KCNAB1: variants seen among roughly 807,000 people sequenced by gnomAD.
The protein encoded by KCNAB1 is voltage-gated potassium channel subunit beta-1.
Under a neutral mutation model 64.6 loss-of-function variants are expected in KCNAB1, and 35 were observed. The ratio of observed to expected loss-of-function variants is 0.54; its 90% CI spans 0.41 to 0.72. KCNAB1 has a LOEUF of 0.72. KCNAB1 is among the 30% of genes least tolerant of loss of function. The pLI, the probability that KCNAB1 is intolerant of heterozygous loss-of-function variation, is 0.00. For missense variants in KCNAB1, 401 were observed against 512.9 expected (o/e 0.78, Z 2.11); for synonymous variants, 177 against 183.8 (o/e 0.96, Z 0.30).
At chr3:156,287,051 G>A (rs370837512) in intron 1 of KCNAB1, among the ~76,000 whole-genome samples, 12 of 152,104 alleles carry the variant, frequency 7.9e-5, no homozygotes, top group Admixed American at 7.9e-4. Flanking sequence ...AATGGCACAC[G>A]GGAAGGCGGG....
At chr3:156,320,786 C>T (rs1226426911) in intron 1 of KCNAB1, among the ~76,000 whole-genome samples, 5 of 152,172 alleles carry the variant, frequency 3.3e-5, no homozygotes, top group Non-Finnish European at 7.3e-5. Context: ...CTCACCATCA[C>T]GTGTCCACAT....
rs1559938241 is a variant in KCNAB1, at chr3:156,538,189, C to CTAT, written c.*1444_*1446dup. ...GTGGTGTGGGAGTGGCCCTTTAACT[C>CTAT]TATTTGGCTATCTGAGGATGTACAA... On this transcript the variant is annotated 3_prime_UTR_variant, in exon 14 of 14. Coordinates refer to ENST00000490337, the MANE Select transcript of KCNAB1 (RefSeq NM_172160.3). The CTAT allele has an allele frequency of 1.3e-5, 2 of 150,710 alleles. No individual in the cohort carries two copies. The highest frequency in any genetic ancestry group is 1.9e-4 in the East Asian group (1 of 5,166). 9.3% of individuals were successfully genotyped at this position (150,710 alleles called of 1,614,324 possible).
chr3:156,364,357 A>G (rs914220790), intron 1 of KCNAB1, among the ~76,000 whole-genome samples: 5 of 152,234 alleles, frequency 3.3e-5, no homozygotes, highest in African/African-American at 9.6e-5. Context: ...TTCAGACCTC[A>G]GCTAAGCATG....
At chr3:156,201,334 G>A (rs1714318768) in intron 1 of KCNAB1, among the ~76,000 whole-genome samples, 1 of 152,162 alleles carries the variant, frequency 6.6e-6, no homozygotes, top group African/African-American at 2.4e-5. Flanking sequence ...CAGATTAATA[G>A]CAAAATTCAG....
At chr3:156,351,321 A>G (rs1724845445) in intron 1 of KCNAB1, among the ~76,000 whole-genome samples, 2 of 152,226 alleles carry the variant, frequency 1.3e-5, no homozygotes, top group South Asian at 2.1e-4. Context: ...GCTCCACGTC[A>G]GGGGTTCATG....
intron 1 of KCNAB1, among the ~76,000 whole-genome samples, chr3:156,308,224 A>T (rs551356985): frequency 6.6e-6 from 1 of 152,352 alleles, no homozygotes; most frequent in African/African-American, 2.4e-5. Context: ...AAGCAAGTGC[A>T]AAGGCCTGAG....
Position 156,457,506 on chromosome 3 carries a change from T to C in KCNAB1, c.411T>C (p.Asp137=). Residue 137 remains aspartate (D), a synonymous_variant, in exon 4 of 14, where the codon GAT becomes GAC. Transcript: ENST00000490337. Reference sequence around the variant, plus strand: ...ATGAAAGTGGTGTTAACCTCTTTGATACTGCCGAAGTCTATGCTGCTGGAA... The same window carrying C: ...ATGAAAGTGGTGTTAACCTCTTTGACACTGCCGAAGTCTATGCTGCTGGAA... ...IAYESGVNLF[D]TAEVYAAGKA... is the part of the protein sequence containing the mutation. 1 of 1,613,932 alleles carries C rather than the reference T, an allele frequency of 6.2e-7. No individual in the cohort carries two copies. The highest frequency in any genetic ancestry group is 8.5e-7 in the Non-Finnish European group (1 of 1,179,820).
In KCNAB1 at chr3:156,443,854, G is replaced by A. The variant is rs372540586; in HGVS notation, c.320-9045G>A. 5.9e-5 allele frequency among the ~76,000 whole-genome samples: 9 copies of A among 151,510 alleles called. No individual in the cohort carries two copies. In the East Asian group the frequency reaches 1.2e-3, roughly 19 times the overall value. On this transcript the variant is annotated intron_variant, in intron 2 of 13. Transcript: ENST00000490337. ...AGGAGGCCCACCTTTATTTCTCCTGGCCTTTACCACTTCCTTACCTACTTT... is the reference window on the plus strand; with the variant it reads ...AGGAGGCCCACCTTTATTTCTCCTGACCTTTACCACTTCCTTACCTACTTT...
intron 1 of KCNAB1, among the ~76,000 whole-genome samples, chr3:156,152,313 A>C (rs191029864): frequency 7.9e-5 from 12 of 152,208 alleles, no homozygotes; most frequent in Non-Finnish European, 1.5e-4. Flanking sequence ...GACCACAGAC[A>C]CGGTTACCTC....
chr3:156,221,740 T>A (rs1415957661), intron 1 of KCNAB1, among the ~76,000 whole-genome samples: 4 of 151,212 alleles, frequency 2.6e-5, no homozygotes, highest in Admixed American at 2.0e-4. Context: ...ATCATGACAT[T>A]ACACTCCAGC....
At chr3:156,404,165 G>A (rs550296005) in intron 1 of KCNAB1, among the ~76,000 whole-genome samples, 8 of 152,268 alleles carry the variant, frequency 5.3e-5, no homozygotes, top group African/African-American at 1.9e-4. Context: ...TTACTTCCTA[G>A]TACCTTTTTT....
chr3:156,292,192 T>C (rs1362537240), intron 1 of KCNAB1: 1 of 1,562,836 alleles, frequency 6.4e-7, no homozygotes, highest in African/African-American at 1.4e-5. Flanking sequence ...GTGGAGACAG[T>C]CCATCGGTTT....
chr3:156,159,677 TG>T (rs1715960078), intron 1 of KCNAB1, among the ~76,000 whole-genome samples: 1 of 152,238 alleles, frequency 6.6e-6, no homozygotes, highest in South Asian at 2.1e-4. Context: ...GGAATAATTT[TG>T]CATACCCCAT....
rs144516863 is a variant in KCNAB1 at position 156,200,249 on chromosome 3, G to A, written c.275+79363G>A. Among the ~76,000 whole-genome samples, 579 of 152,336 alleles carry A rather than the reference G, an allele frequency of 3.8e-3. 4 individuals carry two copies. Among genetic ancestry groups the A allele is most frequent in the African/African-American group, 0.013 (550 of 41,574 alleles). On this transcript the variant is annotated intron_variant, in intron 1 of 13. Coordinates refer to ENST00000490337, the MANE Select transcript of KCNAB1 (RefSeq NM_172160.3). ...GCCAGCCAGAGCTCTCCTGTATGAG[G>A]TGTCTGTTGACATCTGCTAGGAGGT...
At chr3:156,149,706 A>T (rs565021168) in intron 1 of KCNAB1, among the ~76,000 whole-genome samples, 6 of 152,332 alleles carry the variant, frequency 3.9e-5, no homozygotes, top group African/African-American at 1.4e-4. Context: ...AAAGAGGCAT[A>T]TAGTGGATAC....
At position 156,392,890 on chromosome 3, in the gene KCNAB1, C is replaced by T. The variant is rs1181847331; in HGVS notation, c.276-28726C>T. Among the ~76,000 whole-genome samples the T allele has an allele frequency of 2.0e-5, 3 of 152,174 alleles. No homozygotes were observed. The East Asian group carries it at 5.8e-4, about 29-fold the overall frequency. ...TGCTTTGAATTTTGGCATCTATGCT[C>T]ATTAGTGAGATTGGTCAGTAACTTT... On this transcript the variant is annotated intron_variant, in intron 1 of 13. Transcript: ENST00000490337.
intron 1 of KCNAB1, among the ~76,000 whole-genome samples, chr3:156,359,274 A>AT (rs909633831): frequency 1.3e-5 from 2 of 151,826 alleles, no homozygotes; most frequent in African/African-American, 4.8e-5. Flanking sequence ...TTTTTTCCTT[A>AT]TTTTTTAGCC....
At chr3:156,155,441 A>G (rs1331029759) in intron 1 of KCNAB1, among the ~76,000 whole-genome samples, 2 of 152,238 alleles carry the variant, frequency 1.3e-5, no homozygotes, top group African/African-American at 4.8e-5. Context: ...AACACAAAGC[A>G]CAGAAGGAGG....
At chr3:156,291,592 T>C in intron 1 of KCNAB1, 1 of 1,250,746 alleles carries the variant, frequency 8.0e-7, no homozygotes, top group Non-Finnish European at 1.0e-6. Flanking sequence ...CTGCATGGAT[T>C]TGGCTGTTTA....
Sources: allele counts gnomAD v4.1 joint callset (sites outside exome capture counted in the v4.1 genomes callset), GRCh38; gene constraint gnomAD v4.1.1; transcripts MANE v1.5; gene names NCBI Gene and HGNC (gene_info 2026-07-23, HGNC 2026-07-21).